ZBTB20: variants seen among roughly 807,000 people sequenced by gnomAD.
The protein encoded by ZBTB20 is zinc finger and BTB domain containing 20.
ZBTB20 carries 9 observed loss-of-function variants against 56.9 expected under a neutral mutation model. That is an observed-to-expected ratio of 0.16 (90% CI 0.10 to 0.28). The LOEUF (loss-of-function observed/expected upper bound fraction) is 0.28. Among genes scored for constraint, ZBTB20 ranks in the 10% least tolerant of loss-of-function variants. The probability of loss-of-function intolerance (pLI) is 1.00; values close to 1 mark genes in which losing one functional copy is unlikely to be tolerated. For missense variants in ZBTB20, 655 were observed against 1,003.0 expected, an observed-to-expected ratio of 0.65 and a Z score of 4.69; for synonymous variants, 417 against 420.7, an observed-to-expected ratio of 0.99 and a Z score of 0.11.
At chr3:115,057,170 T>C (rs1291957837) in intron 2 of ZBTB20, among the ~76,000 whole-genome samples, 3 of 152,170 alleles carry the variant, frequency 2.0e-5, no homozygotes, top group African/African-American at 7.2e-5. Context: ...CAATTATTGA[T>C]TGCAATTTTT....
At chr3:114,945,303 A>T (rs2076848598) in intron 3 of ZBTB20, among the ~76,000 whole-genome samples, 1 of 145,528 alleles carries the variant, frequency 6.9e-6, no homozygotes, top group African/African-American at 2.8e-5. Context: ...AAGTAAAAGG[A>T]AAAGCATCTC....
chr3:114,803,372 T>G (rs2071863609), intron 4 of ZBTB20, among the ~76,000 whole-genome samples: 1 of 151,876 alleles, frequency 6.6e-6, no homozygotes, highest in Non-Finnish European at 1.5e-5. Context: ...GAACTGAAAT[T>G]TATTTACATT....
intron 2 of ZBTB20, among the ~76,000 whole-genome samples, chr3:114,982,045 G>A (rs773608295): frequency 6.6e-6 from 1 of 151,944 alleles, no homozygotes; most frequent in Non-Finnish European, 1.5e-5. Context: ...ATTTCCCAGA[G>A]TCAATGCCAA....
chr3:114,433,192 C>G (rs367795943), intron 7 of ZBTB20, among the ~76,000 whole-genome samples: 1 of 151,978 alleles, frequency 6.6e-6, no homozygotes, highest in Non-Finnish European at 1.5e-5. Context: ...ATAAAGAGGC[C>G]AAGTTAAAAG....
intron 6 of ZBTB20, among the ~76,000 whole-genome samples, chr3:114,588,894 C>A (rs2055455059): frequency 6.6e-6 from 1 of 152,172 alleles, no homozygotes; most frequent in Admixed American, 6.5e-5. Flanking sequence ...CTCAGTTTCG[C>A]ATGGCTGGGG....
intron 6 of ZBTB20, among the ~76,000 whole-genome samples, chr3:114,587,324 A>C (rs1475728820): frequency 6.6e-6 from 1 of 152,108 alleles, no homozygotes; most frequent in East Asian, 1.9e-4. Context: ...CTTAAAGAAC[A>C]TAACAGAATG....
intron 3 of ZBTB20, chr3:114,904,191 T>G (rs2075235027): frequency 6.6e-6 from 1 of 152,154 alleles, no homozygotes; most frequent in African/African-American, 2.4e-5. Flanking sequence ...TCCAGTGGGA[T>G]AGGTCCAATT....
At chr3:114,531,491 C>T (rs1450949948) in intron 6 of ZBTB20, among the ~76,000 whole-genome samples, 1 of 152,152 alleles carries the variant, frequency 6.6e-6, no homozygotes, top group African/African-American at 2.4e-5. Flanking sequence ...CTTTCATACC[C>T]TTCCATCATA....
chr3:114,911,709 A>G (rs2075546463), intron 3 of ZBTB20, among the ~76,000 whole-genome samples: 1 of 152,134 alleles, frequency 6.6e-6, no homozygotes, highest in South Asian at 2.1e-4. Context: ...ATTTGAAATT[A>G]CCCACCTAGA....
intron 7 of ZBTB20, among the ~76,000 whole-genome samples, chr3:114,494,061 G>T (rs1384003350): frequency 6.6e-6 from 1 of 152,128 alleles, no homozygotes; most frequent in East Asian, 1.9e-4. Context: ...TGCACAATTA[G>T]GATTATAGTA....
chr3:114,829,366 A>G (rs1300894098), intron 4 of ZBTB20, among the ~76,000 whole-genome samples: 1 of 151,866 alleles, frequency 6.6e-6, no homozygotes, highest in Non-Finnish European at 1.5e-5. Context: ...AAATATATTC[A>G]AGTTTCTTCA....
intron 5 of ZBTB20, among the ~76,000 whole-genome samples, chr3:114,721,436 G>A (rs1449167902): frequency 6.6e-6 from 1 of 152,106 alleles, no homozygotes; most frequent in Admixed American, 6.6e-5. Context: ...GAAATGTACA[G>A]GAAATAACAT....
intron 6 of ZBTB20, among the ~76,000 whole-genome samples, chr3:114,580,631 G>T (rs949347549): frequency 1.8e-4 from 28 of 151,748 alleles, no homozygotes; most frequent in African/African-American, 6.8e-4. Context: ...AGTAGTAAGA[G>T]AGCTCAGCAA....
At chr3:114,785,419 C>T (rs1196879580) in intron 5 of ZBTB20, among the ~76,000 whole-genome samples, 1 of 152,004 alleles carries the variant, frequency 6.6e-6, no homozygotes, top group African/African-American at 2.4e-5. Context: ...ATATTAAGAA[C>T]ACGGTAGCTG....
chr3:115,004,802 A>G (rs2079398812), intron 2 of ZBTB20, among the ~76,000 whole-genome samples: 1 of 151,802 alleles, frequency 6.6e-6, no homozygotes. Context: ...CTAAATTTTT[A>G]GCAAGAGATA....
intron 6 of ZBTB20, among the ~76,000 whole-genome samples, chr3:114,684,884 T>G (rs1049421657): frequency 6.6e-6 from 1 of 151,982 alleles, no homozygotes; most frequent in Non-Finnish European, 1.5e-5. Flanking sequence ...TAAAAAAAAG[T>G]CTGAAAAAAT....
chr3:114,705,884 A>G (rs751415067), intron 5 of ZBTB20, among the ~76,000 whole-genome samples: 1 of 152,216 alleles, frequency 6.6e-6, no homozygotes, highest in Non-Finnish European at 1.5e-5. Context: ...CCATACATGC[A>G]GCTCTTCATC....
intron 6 of ZBTB20, among the ~76,000 whole-genome samples, chr3:114,597,890 A>C (rs1373318023): frequency 6.6e-6 from 1 of 152,118 alleles, no homozygotes; most frequent in African/African-American, 2.4e-5. Context: ...TTATGTTAGG[A>C]GATAAAATGA....
chr3:114,359,368 G>A (rs2081573542), intron 10 of ZBTB20: 2 of 152,116 alleles, frequency 1.3e-5, no homozygotes, highest in South Asian at 2.1e-4. Context: ...TGAAAATTAA[G>A]TTTTACTCTG....
Sources: gnomAD v4.1 joint callset for allele counts (sites outside exome capture counted in the v4.1 genomes callset) on GRCh38, gnomAD v4.1.1 for gene constraint, MANE v1.5 for transcripts, NCBI Gene and HGNC (gene_info 2026-07-23, HGNC 2026-07-21) for gene names.